The following LINGO2 variants were observed in gnomAD, a reference collection of about 807,000 sequenced individuals.
The protein encoded by LINGO2 is leucine rich repeat and Ig domain containing 2, also known as leucine-rich repeat and immunoglobulin-like domain-containing nogo receptor-interacting protein 2.
A neutral mutation model predicts 30.6 loss-of-function variants in LINGO2; 14 were observed. The ratio of observed to expected loss-of-function variants is 0.46; its 90% CI spans 0.30 to 0.72. The LOEUF is 0.72. Among genes scored for constraint, LINGO2 ranks in the 30% least tolerant of loss-of-function variants. The pLI, the probability that LINGO2 is intolerant of heterozygous loss-of-function variation, is 0.07. For synonymous variants in LINGO2, 317 were observed against 288.5 expected (o/e 1.10, Z -1.00); for missense variants, 729 against 751.7 (o/e 0.97, Z 0.35).
the LINGO2 span, among the ~76,000 whole-genome samples, chr9:28,824,195 T>C: frequency 1.3e-5 from 2 of 152,146 alleles, no homozygotes; most frequent in East Asian, 1.9e-4. Flanking sequence ...CTCTAGTCTC[T>C]GGGAATATAG....
the LINGO2 span, among the ~76,000 whole-genome samples, chr9:28,968,285 AC>A: frequency 6.6e-6 from 1 of 152,060 alleles, no homozygotes; most frequent in South Asian, 2.1e-4. Flanking sequence ...CCTTTCAAAA[AC>A]TGGAGTGGCT....
chr9:28,861,680 C>A, the LINGO2 span, among the ~76,000 whole-genome samples: 1 of 151,886 alleles, frequency 6.6e-6, no homozygotes, highest in Non-Finnish European at 1.5e-5. Flanking sequence ...GGGATGATTG[C>A]TTGAACCCAG....
the LINGO2 span, among the ~76,000 whole-genome samples, chr9:28,733,113 T>G: frequency 2.0e-5 from 3 of 152,204 alleles, no homozygotes; most frequent in South Asian, 6.2e-4. Flanking sequence ...AGGATGATAT[T>G]TGTGGTATAC....
At chr9:28,409,871 C>T (rs945735062) in intron 2 of LINGO2, among the ~76,000 whole-genome samples, 3 of 83,328 alleles carry the variant, frequency 3.6e-5, no homozygotes, top group Admixed American at 1.6e-4. Context: ...ATACATTTCA[C>T]GATAGAGAGG....
rs561378171 is a variant in LINGO2 at position 28,588,118 on chromosome 9, G to A, written c.-365+82082C>T. Among the ~76,000 whole-genome samples the A allele has an allele frequency of 2.6e-5, 4 of 152,022 alleles. No individual in the cohort carries two copies. The South Asian group carries it at 8.3e-4, about 32-fold the overall frequency. On this transcript the variant is annotated intron_variant, in intron 1 of 5. Transcript: ENST00000379992. ...ATCATATAAGGATTTGAACACACTGGGGCTAGAAAGTGACTTGTCCAAAAT... is the reference window on the plus strand; with the variant it reads ...ATCATATAAGGATTTGAACACACTGAGGCTAGAAAGTGACTTGTCCAAAAT...
chr9:28,781,932 G>A, the LINGO2 span, among the ~76,000 whole-genome samples: 1 of 152,224 alleles, frequency 6.6e-6, no homozygotes, highest in South Asian at 2.1e-4. Context: ...AAATGTGATT[G>A]CTATACATTT....
the LINGO2 span, among the ~76,000 whole-genome samples, chr9:28,976,793 C>A: frequency 4.6e-5 from 7 of 151,960 alleles, no homozygotes; most frequent in African/African-American, 1.7e-4. Flanking sequence ...AAAAAGAATT[C>A]TTATCTCCAA....
At chr9:28,292,647 A>G (rs1234653517) in intron 4 of LINGO2, among the ~76,000 whole-genome samples, 1 of 151,730 alleles carries the variant, frequency 6.6e-6, no homozygotes, top group Non-Finnish European at 1.5e-5. Context: ...ATTTTTTAGT[A>G]GAGATGGGGT....
chr9:28,404,613 C>T (rs913781877), intron 2 of LINGO2, among the ~76,000 whole-genome samples: 3 of 152,116 alleles, frequency 2.0e-5, no homozygotes, highest in Non-Finnish European at 2.9e-5. Context: ...TAGTGAGAGG[C>T]TAAATGTTGC....
the LINGO2 span, among the ~76,000 whole-genome samples, chr9:29,032,656 T>C: frequency 6.6e-6 from 1 of 152,298 alleles, no homozygotes; most frequent in East Asian, 1.9e-4. Flanking sequence ...TGAGCATTTA[T>C]ACCACATAGT....
chr9:27,965,143 G>C (rs559372384), intron 5 of LINGO2, among the ~76,000 whole-genome samples: 11 of 152,196 alleles, frequency 7.2e-5, no homozygotes, highest in African/African-American at 2.4e-4. Context: ...ATATAATCCT[G>C]TTGAAGCAAT....
chr9:28,041,882 G>T (rs1309873014), intron 4 of LINGO2, among the ~76,000 whole-genome samples: 2 of 152,118 alleles, frequency 1.3e-5, no homozygotes, highest in African/African-American at 2.4e-5. Context: ...CAAAACCCAT[G>T]AACTACTTTA....
At chr9:28,257,550 C>T (rs1191099069) in intron 4 of LINGO2, among the ~76,000 whole-genome samples, 2 of 151,894 alleles carry the variant, frequency 1.3e-5, no homozygotes, top group Admixed American at 6.6e-5. Context: ...CTTTATAATT[C>T]AGTAACAGAA....
At chr9:28,766,860 AAG>A in the LINGO2 span, among the ~76,000 whole-genome samples, 23 of 151,330 alleles carry the variant, frequency 1.5e-4, no homozygotes, top group African/African-American at 5.3e-4. Context: ...GAGAAAGAAA[AAG>A]AGAGAGATAT....
the LINGO2 span, among the ~76,000 whole-genome samples, chr9:28,918,094 A>G: frequency 6.7e-6 from 1 of 148,860 alleles, no homozygotes; most frequent in Non-Finnish European, 1.5e-5. Context: ...TGCTGCTGAT[A>G]AAGACATATC....
chr9:28,535,342 T>G (rs1821390817), intron 1 of LINGO2, among the ~76,000 whole-genome samples: 1 of 152,108 alleles, frequency 6.6e-6, no homozygotes, highest in Non-Finnish European at 1.5e-5. Context: ...GCAGGGATCA[T>G]GAATTATATT....
At position 28,567,608 on chromosome 9, in the gene LINGO2, A is replaced by G. The variant is rs532562170; in HGVS notation, c.-364-91583T>C. Among the ~76,000 whole-genome samples the G allele has an allele frequency of 2.0e-5, 3 of 152,214 alleles. No homozygotes were observed. In the South Asian group the frequency reaches 6.2e-4, roughly 32 times the overall value. Reference sequence around the variant, plus strand: ...GAAGTTAAGCAATGTGTACACATGGACATAAAGATGTAAATAATAGACACT... The same window carrying G: ...GAAGTTAAGCAATGTGTACACATGGGCATAAAGATGTAAATAATAGACACT... On this transcript the variant is annotated intron_variant, in intron 1 of 5. Transcript: ENST00000379992.
the LINGO2 span, among the ~76,000 whole-genome samples, chr9:29,029,513 T>C: frequency 4.6e-4 from 70 of 152,166 alleles, no homozygotes; most frequent in Admixed American, 4.5e-3. Flanking sequence ...AAATTCACTA[T>C]GTAATCCCCA....
chr9:28,714,164 A>AATATATATATATATGTATATATATAT, the LINGO2 span, among the ~76,000 whole-genome samples: 12 of 117,172 alleles, frequency 1.0e-4, no homozygotes, highest in Non-Finnish European at 1.9e-4. Context: ...TGCCTCAAAT[A>AATATATATATATATGTATATATATAT]ATATATATAT....
Sources: allele counts gnomAD v4.1 joint callset (sites outside exome capture counted in the v4.1 genomes callset), GRCh38; gene constraint gnomAD v4.1.1; transcripts MANE v1.5; gene names NCBI Gene and HGNC (gene_info 2026-07-23, HGNC 2026-07-21).